Variants in ARB2A observed in about 807,000 individuals in gnomAD.
ARB2A encodes the protein cotranscriptional regulator ARB2A.
At chr5:94,105,449 G>A in the ARB2A span, among the ~76,000 whole-genome samples, 17 of 152,054 alleles carry the variant, frequency 1.1e-4, no homozygotes, top group South Asian at 2.1e-3. Context: ...AGAGCTCTAC[G>A]ATGAGAATTA....
the ARB2A span, among the ~76,000 whole-genome samples, chr5:93,728,836 C>T: frequency 6.6e-6 from 1 of 152,056 alleles, no homozygotes; most frequent in African/African-American, 2.4e-5. Context: ...AAACGTACTA[C>T]AATTAAATAA....
chr5:94,056,983 A>G, the ARB2A span, among the ~76,000 whole-genome samples: 1 of 152,224 alleles, frequency 6.6e-6, no homozygotes, highest in South Asian at 2.1e-4. Context: ...AAGTGTGCAC[A>G]GAGCAACAAC....
At chr5:94,075,983 A>G in the ARB2A span, among the ~76,000 whole-genome samples, 112 of 152,282 alleles carry the variant, frequency 7.4e-4, no homozygotes, top group African/African-American at 2.5e-3. Context: ...GGAAATGATA[A>G]TCATGTTTCC....
At chr5:93,984,339 T>C in the ARB2A span, among the ~76,000 whole-genome samples, 1 of 152,182 alleles carries the variant, frequency 6.6e-6, no homozygotes, top group Non-Finnish European at 1.5e-5. Flanking sequence ...TGACATTGCA[T>C]CTTTAGCCAC....
the ARB2A span, among the ~76,000 whole-genome samples, chr5:93,830,246 C>G: frequency 6.9e-6 from 1 of 145,488 alleles, no homozygotes; most frequent in African/African-American, 2.6e-5. Context: ...CTAAATACTC[C>G]ATATATGGAC....
chr5:93,966,081 A>T, the ARB2A span, among the ~76,000 whole-genome samples: 1 of 152,042 alleles, frequency 6.6e-6, no homozygotes, highest in Non-Finnish European at 1.5e-5. Context: ...CTGTAGACTT[A>T]TAAGAGTAAA....
chr5:93,869,662 C>T, the ARB2A span, among the ~76,000 whole-genome samples: 7 of 152,164 alleles, frequency 4.6e-5, no homozygotes, highest in South Asian at 2.1e-4. Flanking sequence ...GACATTCCAC[C>T]ATTGTGATTT....
the ARB2A span, among the ~76,000 whole-genome samples, chr5:94,104,064 C>A: frequency 6.6e-6 from 1 of 150,510 alleles, no homozygotes; most frequent in South Asian, 2.1e-4. Flanking sequence ...TTAGAAAGAT[C>A]TCAAATTAAC....
chr5:93,865,383 C>A, the ARB2A span: 2 of 985,324 alleles, frequency 2.0e-6, no homozygotes, highest in South Asian at 9.4e-5. Flanking sequence ...CCCAGCCGAT[C>A]CTGGATAATT....
At chr5:93,844,631 C>T in the ARB2A span, among the ~76,000 whole-genome samples, 2 of 152,102 alleles carry the variant, frequency 1.3e-5, no homozygotes, top group East Asian at 1.9e-4. Flanking sequence ...AAGAGGAAGA[C>T]ATGAAGTATG....
the ARB2A span, among the ~76,000 whole-genome samples, chr5:93,758,633 TC>T: frequency 6.6e-6 from 1 of 152,154 alleles, no homozygotes; most frequent in African/African-American, 2.4e-5. Context: ...AATAACCTGT[TC>T]CCGAATGAAC....
At chr5:93,921,394 T>G in the ARB2A span, among the ~76,000 whole-genome samples, 122 of 152,222 alleles carry the variant, frequency 8.0e-4, no homozygotes, top group Middle Eastern at 3.4e-3. Context: ...AGCTGGAGAA[T>G]TTAGTGCCAG....
the ARB2A span, among the ~76,000 whole-genome samples, chr5:94,052,800 T>C: frequency 6.6e-6 from 1 of 152,180 alleles, no homozygotes; most frequent in Non-Finnish European, 1.5e-5. Context: ...ATAATTTAAT[T>C]AGGAGTTCAA....
the ARB2A span, among the ~76,000 whole-genome samples, chr5:94,088,011 C>A: frequency 5.7e-4 from 87 of 152,306 alleles, no homozygotes; most frequent in African/African-American, 2.0e-3. Flanking sequence ...GACCATACTA[C>A]AATTTTAGTG....
the ARB2A span, among the ~76,000 whole-genome samples, chr5:94,069,239 G>A: frequency 3.3e-5 from 5 of 152,114 alleles, no homozygotes; most frequent in South Asian, 2.1e-4. Context: ...ATATCTATAC[G>A]TAGAAGAATG....
the ARB2A span, among the ~76,000 whole-genome samples, chr5:93,629,477 T>C: frequency 6.6e-6 from 1 of 152,076 alleles, no homozygotes; most frequent in Non-Finnish European, 1.5e-5. Context: ...AACAATGCAA[T>C]ATCTGCAAAG....
chr5:93,809,081 A>G, the ARB2A span, among the ~76,000 whole-genome samples: 1 of 152,064 alleles, frequency 6.6e-6, no homozygotes, highest in Non-Finnish European at 1.5e-5. Context: ...AAAATAAATT[A>G]CATGATTCTT....
chr5:93,779,903 C>T, the ARB2A span, among the ~76,000 whole-genome samples: 2 of 152,226 alleles, frequency 1.3e-5, no homozygotes, highest in South Asian at 4.1e-4. Context: ...GGCCCCAGTG[C>T]TGAGTGATTC....
At chr5:94,005,706 C>A in the ARB2A span, among the ~76,000 whole-genome samples, 1 of 152,182 alleles carries the variant, frequency 6.6e-6, no homozygotes, top group Admixed American at 6.5e-5. Context: ...CAAACAATTC[C>A]ATTAGAAAAC....
Sources: allele counts gnomAD v4.1 joint callset (sites outside exome capture counted in the v4.1 genomes callset), GRCh38; gene constraint gnomAD v4.1.1; transcripts MANE v1.5; gene names NCBI Gene and HGNC (gene_info 2026-07-23, HGNC 2026-07-21).